Variants in PPP1R12B observed in about 807,000 individuals in gnomAD.
The protein encoded by PPP1R12B is protein phosphatase 1 regulatory subunit 12B.
In PPP1R12B, 76 loss-of-function variants were observed where a neutral mutation model predicts 126.1. That is an observed-to-expected ratio of 0.60 (90% CI 0.50 to 0.73). The LOEUF (loss-of-function observed/expected upper bound fraction) is 0.73. Ranked by LOEUF, PPP1R12B falls within the 30% of genes least tolerant of loss-of-function variation. PPP1R12B has a pLI of 0.00. For missense variants in PPP1R12B, 1,052 were observed against 1,205.1 expected (o/e 0.87, Z 1.88); for synonymous variants, 356 against 434.7 (o/e 0.82, Z 2.25).
At chr1:202,415,940 C>CT (rs1478559097) in intron 1 of PPP1R12B, among the ~76,000 whole-genome samples, 12 of 151,928 alleles carry the variant, frequency 7.9e-5, no homozygotes, top group African/African-American at 2.9e-4. Context: ...GTGATTTTTT[C>CT]TTTTTTAAAT....
At chr1:202,376,498 A>T (rs1398674327) in intron 1 of PPP1R12B, among the ~76,000 whole-genome samples, 1 of 152,242 alleles carries the variant, frequency 6.6e-6, no homozygotes, top group African/African-American at 2.4e-5. Flanking sequence ...CTGGAAGCAA[A>T]CTGAAAGTAT....
chr1:202,552,947 A>G (rs1686473682), intron 18 of PPP1R12B, among the ~76,000 whole-genome samples: 1 of 151,904 alleles, frequency 6.6e-6, no homozygotes, highest in South Asian at 2.1e-4. Context: ...TTTTGTGGGG[A>G]TTTTTCTAAG....
intron 18 of PPP1R12B, among the ~76,000 whole-genome samples, chr1:202,524,003 G>A (rs1478395049): frequency 3.3e-5 from 5 of 152,124 alleles, no homozygotes; most frequent in African/African-American, 4.8e-5. Context: ...GTGAGCTACC[G>A]TGCCCGGCCA....
rs576616066 is a variant in PPP1R12B, at chr1:202,474,134, G to C, written c.1851-14399G>C. Among the ~76,000 whole-genome samples, 4 of 152,272 alleles carry C rather than the reference G, an allele frequency of 2.6e-5. No individual in the cohort carries two copies. The East Asian group carries it at 7.7e-4, about 29-fold the overall frequency. On this transcript the variant is annotated intron_variant, in intron 13 of 23. Coordinates refer to ENST00000608999, the MANE Select transcript of PPP1R12B (RefSeq NM_002481.4). Reference sequence around the variant, plus strand: ...CTATATCTATAGAACTGTTTTAAAGGTGGGAACCCCAGCATTATATCGTAC... The same window carrying C: ...CTATATCTATAGAACTGTTTTAAAGCTGGGAACCCCAGCATTATATCGTAC...
At chr1:202,414,279 A>C (rs898426985) in intron 1 of PPP1R12B, among the ~76,000 whole-genome samples, 10 of 152,226 alleles carry the variant, frequency 6.6e-5, no homozygotes. Flanking sequence ...AGTTTCTTAA[A>C]TGTTCATGCA....
intron 1 of PPP1R12B, among the ~76,000 whole-genome samples, chr1:202,375,553 T>C (rs1571676662): frequency 6.6e-6 from 1 of 152,230 alleles, no homozygotes; most frequent in African/African-American, 2.4e-5. Flanking sequence ...GCATAACCTA[T>C]ACTGTGTTTT....
In PPP1R12B at chr1:202,442,591, G is replaced by A. The variant is rs201186441; in HGVS notation, c.1667+19G>A. 8.2e-5 allele frequency: 131 copies of A among 1,597,978 alleles called. No homozygotes were observed. The African/African-American group carries it at 1.5e-3, about 18-fold the overall frequency. The stretch of plus-strand genomic sequence containing the variant: ...TGAAAAGGTACCAGGCTCAAAGGGG[G>A]TGGGAGATGTTTCTTTCACTCTAGC... On this transcript the variant is annotated intron_variant, in intron 12 of 23. Transcript: ENST00000608999.
At chr1:202,511,199 G>C (rs1681453761) in intron 18 of PPP1R12B, among the ~76,000 whole-genome samples, 1 of 150,744 alleles carries the variant, frequency 6.6e-6, no homozygotes, top group Non-Finnish European at 1.5e-5. Context: ...CATGCAAGCA[G>C]TGTACACTGT....
At chr1:202,532,947 C>T (rs898754815) in intron 18 of PPP1R12B, among the ~76,000 whole-genome samples, 4 of 149,934 alleles carry the variant, frequency 2.7e-5, no homozygotes, top group Admixed American at 2.7e-4. Context: ...TCGGCTCACC[C>T]CAACCTCTGC....
intron 1 of PPP1R12B, among the ~76,000 whole-genome samples, chr1:202,356,907 C>T (rs1354399197): frequency 6.6e-6 from 1 of 151,840 alleles, no homozygotes; most frequent in African/African-American, 2.4e-5. Flanking sequence ...CTACAACCTC[C>T]GCTGCCCGGG....
rs1328606391 is a variant in PPP1R12B, at chr1:202,439,076, A to G, written c.1458+1052A>G. On this transcript the variant is annotated intron_variant, in intron 10 of 23. Transcript: ENST00000608999. ...CGCCAACTCCTATGACCTTGCCATCAAGACCATCACCTCCAGCGCCAAAGT... is the reference window on the plus strand; with the variant it reads ...CGCCAACTCCTATGACCTTGCCATCGAGACCATCACCTCCAGCGCCAAAGT... The G allele has an allele frequency of 3.5e-6, 5 of 1,433,328 alleles. No individual in the cohort carries two copies. In the African/African-American group the frequency reaches 4.2e-5, roughly 12 times the overall value. 88.8% of individuals were successfully genotyped at this position (1,433,328 alleles called of 1,614,324 possible).
chr1:202,377,257 G>A (rs185926180), intron 1 of PPP1R12B, among the ~76,000 whole-genome samples: 11 of 151,976 alleles, frequency 7.2e-5, no homozygotes, highest in Admixed American at 4.6e-4. Flanking sequence ...TGGGTATCTC[G>A]TAACTGCTTA....
At chr1:202,372,444 C>T (rs1486301162) in intron 1 of PPP1R12B, among the ~76,000 whole-genome samples, 1 of 150,340 alleles carries the variant, frequency 6.7e-6, no homozygotes, top group Non-Finnish European at 1.5e-5. Flanking sequence ...GCAGAGGCTG[C>T]AGTGAGCTGA....
At chr1:202,550,924 C>G (rs905305421) in intron 18 of PPP1R12B, among the ~76,000 whole-genome samples, 6 of 152,108 alleles carry the variant, frequency 3.9e-5, no homozygotes, top group African/African-American at 1.4e-4. Context: ...TTGTGAGTTT[C>G]CAAAAGATCA....
intron 1 of PPP1R12B, among the ~76,000 whole-genome samples, chr1:202,352,611 G>C (rs1022174552): frequency 6.6e-6 from 1 of 152,108 alleles, no homozygotes; most frequent in Non-Finnish European, 1.5e-5. Context: ...ACTGGCGGCC[G>C]GGGGTGGTGG....
At chr1:202,560,316 C>T (rs1354448639) in intron 19 of PPP1R12B, among the ~76,000 whole-genome samples, 1 of 152,094 alleles carries the variant, frequency 6.6e-6, no homozygotes, top group Non-Finnish European at 1.5e-5. Context: ...AGAAAGAATT[C>T]AGGGAGAGTC....
In PPP1R12B at chr1:202,422,627, A is replaced by C; in HGVS notation, c.430A>C (p.Ile144Leu). The C allele has an allele frequency of 1.2e-6, 2 of 1,613,662 alleles. No homozygotes were observed. The highest frequency in any genetic ancestry group is 1.7e-6 in the Non-Finnish European group (2 of 1,179,622). Residue 144 changes from isoleucine (I) to leucine (L), a missense_variant, in exon 3 of 24, where the codon ATT becomes CTT. Ile to Leu is a conservative substitution (Grantham distance 5, BLOSUM62 2). Coordinates refer to ENST00000608999, the MANE Select transcript of PPP1R12B (RefSeq NM_002481.4). ...CGYLNIAEYFINHGASVGIVN... is the reference protein window; with the variant it reads ...CGYLNIAEYFLNHGASVGIVN... ...TGGATCTTGTCTACGCAGGTATTTC[A>C]TTAATCACGGAGCCAGTGTAGGTAT...
intron 1 of PPP1R12B, 41 bp from the exon 2 acceptor site, chr1:202,416,746 A>G (rs765926566): frequency 1.0e-5 from 16 of 1,595,538 alleles, no homozygotes; most frequent in Admixed American, 5.1e-5. Context: ...GTGGAACTCA[A>G]TGAATACTTG....
chr1:202,568,658 G>C (rs1160515986), intron 22 of PPP1R12B, among the ~76,000 whole-genome samples: 2 of 152,164 alleles, frequency 1.3e-5, no homozygotes, highest in African/African-American at 4.8e-5. Flanking sequence ...CAGGGGGAGG[G>C]AAGAAACTAG....
Sources: allele counts gnomAD v4.1 joint callset (sites outside exome capture counted in the v4.1 genomes callset), GRCh38; gene constraint gnomAD v4.1.1; transcripts MANE v1.5; gene names NCBI Gene and HGNC (gene_info 2026-07-23, HGNC 2026-07-21).